The following SNAP91 variants were observed in gnomAD, a reference collection of about 807,000 sequenced individuals.
SNAP91 encodes the protein synaptosome associated protein 91.
In SNAP91, 27 loss-of-function variants were observed where a neutral mutation model predicts 100.3. The observed-to-expected ratio is 0.27, with a 90% CI of 0.20 to 0.37. The LOEUF is 0.37. Ranked by LOEUF, SNAP91 falls within the 10% of genes least tolerant of loss-of-function variation. The probability of loss-of-function intolerance (pLI) is 1.00; values close to 1 mark genes in which losing one functional copy is unlikely to be tolerated. For missense variants in SNAP91, 986 were observed against 1,123.7 expected (o/e 0.88, Z 1.75); for synonymous variants, 404 against 398.6 (o/e 1.01, Z -0.16).
chr6:83,607,686 T>G lies in SNAP91; in HGVS notation c.1022+13A>C, dbSNP rs1292965344. On this transcript the variant is annotated intron_variant, in intron 13 of 29. Transcript: ENST00000369694. ...ATATTAATAAACAGTTAACTGCATA[T>G]TTATTTACCAACCTGACTGGGACAG... 4 of 1,503,270 alleles carry G rather than the reference T, an allele frequency of 2.7e-6. No individual in the cohort carries two copies. In the East Asian group the frequency reaches 9.7e-5, roughly 37 times the overall value. 93.1% of individuals were successfully genotyped at this position (1,503,270 alleles called of 1,614,324 possible).
chr6:83,658,548 G>A (rs148333422), intron 6 of SNAP91, among the ~76,000 whole-genome samples: 7 of 152,288 alleles, frequency 4.6e-5, no homozygotes, highest in African/African-American at 7.2e-5. Context: ...GGCAGAGCTT[G>A]TGAGCGGAGA....
At chr6:83,554,784 C>G (rs1368300203) in intron 29 of SNAP91, among the ~76,000 whole-genome samples, 1 of 152,168 alleles carries the variant, frequency 6.6e-6, no homozygotes, top group Non-Finnish European at 1.5e-5. Context: ...TTTCCTCAGC[C>G]ACTTCCCACT....
chr6:83,640,635 TTCTG>T (rs1562467990), intron 8 of SNAP91, among the ~76,000 whole-genome samples: 1 of 152,162 alleles, frequency 6.6e-6, no homozygotes, highest in African/African-American at 2.4e-5. Context: ...AAATTATGCT[TTCTG>T]TCTTATTTTT....
At chr6:83,576,814 G>A (rs1425369933) in intron 24 of SNAP91, among the ~76,000 whole-genome samples, 2 of 152,016 alleles carry the variant, frequency 1.3e-5, no homozygotes, top group East Asian at 1.9e-4. Flanking sequence ...TGACATAGTC[G>A]GCTTAATCAA....
intron 28 of SNAP91, among the ~76,000 whole-genome samples, chr6:83,559,222 C>A (rs957998324): frequency 6.6e-6 from 1 of 152,158 alleles, no homozygotes; most frequent in Admixed American, 6.5e-5. Flanking sequence ...CCACATGAAA[C>A]CAGCCTGATC....
chr6:83,643,958 C>T (rs1465540986), intron 7 of SNAP91, among the ~76,000 whole-genome samples: 1 of 152,172 alleles, frequency 6.6e-6, no homozygotes, highest in Non-Finnish European at 1.5e-5. Flanking sequence ...ACTCACGGTG[C>T]TATAAGACGA....
rs114486336 is a variant in SNAP91, at chr6:83,609,176, A to G, written c.913-1368T>C. On this transcript the variant is annotated intron_variant, in intron 12 of 29. Coordinates refer to ENST00000369694, the MANE Select transcript of SNAP91 (RefSeq NM_001242792.2). The stretch of plus-strand genomic sequence containing the variant: ...CCTTGTAACAACAAGCTCTGAGGAG[A>G]TGTAAGAGCTAGGAAAACAGAACCC... Among the ~76,000 whole-genome samples the G allele has an allele frequency of 3.1e-3, 472 of 152,260 alleles. 3 individuals are homozygous for G. The highest frequency in any genetic ancestry group is 0.011 in the African/African-American group (439 of 41,574).
intron 26 of SNAP91, among the ~76,000 whole-genome samples, chr6:83,568,743 T>A (rs1233845676): frequency 6.6e-6 from 1 of 152,168 alleles, no homozygotes; most frequent in Non-Finnish European, 1.5e-5. Context: ...TTACTGCTTA[T>A]CTATCAATAA....
In SNAP91 at chr6:83,601,354, G is replaced by A. The variant is rs1269721341; in HGVS notation, c.1241C>T (p.Thr414Ile). The stretch of plus-strand genomic sequence containing the variant: ...AGCTGAGGCAGTTGCAATTTCAGCA[G>A]TTGTAGTAGGAGGGGTAGGTTCTGG... Reference protein sequence around the residue: ...FAPEPTPPTTTAEIATASASA... With the variant: ...FAPEPTPPTTIAEIATASASA... The change falls in exon 16 of 30, where the codon ACT becomes ATT. Residue 414 changes from threonine to isoleucine, a missense_variant. This residue lies in a region of SNAP91 where 575 missense variants were observed against 579.9 expected (regional missense o/e 0.99). Coordinates refer to ENST00000369694, the MANE Select transcript of SNAP91 (RefSeq NM_001242792.2). The A allele has an allele frequency of 1.9e-6, 3 of 1,613,562 alleles. No homozygotes were observed. The highest frequency in any genetic ancestry group is 1.3e-5 in the African/African-American group (1 of 74,916).
chr6:83,558,922 A>G (rs1782921593), intron 28 of SNAP91, among the ~76,000 whole-genome samples: 1 of 152,208 alleles, frequency 6.6e-6, no homozygotes, highest in Non-Finnish European at 1.5e-5. Flanking sequence ...ATTCATCACT[A>G]AGACTAGCAC....
chr6:83,594,336 C>G, intron 17 of SNAP91, 38 bp downstream of exon 17: 1 of 1,479,812 alleles, frequency 6.8e-7, no homozygotes, highest in Admixed American at 2.0e-5. Context: ...TACATTAGGA[C>G]AGAAGAATAA....
At position 83,576,025 on chromosome 6, in the gene SNAP91, T is replaced by A; in HGVS notation, c.2328A>T (p.Lys776Asn). The A allele has an allele frequency of 1.4e-6, 2 of 1,416,422 alleles. No homozygotes were observed. The highest frequency in any genetic ancestry group is 1.9e-6 in the Non-Finnish European group (2 of 1,040,168). The allele number at this position is 1,416,422 out of a possible 1,614,324, so 87.7% of individuals were successfully genotyped here. Residue 776 changes from lysine to asparagine, a missense_variant and splice_region_variant, in exon 25 of 30, where the codon AAA becomes AAT. This residue lies in a region of SNAP91 where 575 missense variants were observed against 579.9 expected (regional missense o/e 0.99). Transcript: ENST00000369694. ...TCACATAATTTCCAAACACTTACTT[T>A]TTTGTTGTGGTACCAGAAATTCCAA... ...GNLGISGTTT[K>N]KGDLQWNAGE...
chr6:83,611,321 T>C (rs994046945), intron 11 of SNAP91: 5 of 327,944 alleles, frequency 1.5e-5, no homozygotes, highest in South Asian at 4.5e-5. Context: ...TGCTTTTTTC[T>C]AAGAAAATGA....
intron 5 of SNAP91, 53 bp from the exon 6 acceptor site, chr6:83,659,145 A>C: frequency 7.5e-7 from 1 of 1,330,706 alleles, no homozygotes; most frequent in Middle Eastern, 1.8e-4. Context: ...GGACAATTCA[A>C]GACCATATGA....
chr6:83,684,865 A>G (rs2099039869), intron 2 of SNAP91, among the ~76,000 whole-genome samples: 1 of 152,200 alleles, frequency 6.6e-6, no homozygotes, highest in Non-Finnish European at 1.5e-5. Context: ...CCACTTTTTC[A>G]AAAGAACAGA....
chr6:83,706,895 C>T (rs989611484), intron 2 of SNAP91, among the ~76,000 whole-genome samples: 1 of 152,212 alleles, frequency 6.6e-6, no homozygotes, highest in African/African-American at 2.4e-5. Flanking sequence ...ACCTCACCAC[C>T]CAAAGCAGGT....
intron 2 of SNAP91, among the ~76,000 whole-genome samples, chr6:83,704,017 T>C (rs1282421482): frequency 1.3e-5 from 2 of 152,222 alleles, no homozygotes; most frequent in Non-Finnish European, 2.9e-5. Context: ...TCTATTTTAT[T>C]GTTCAAGCTT....
chr6:83,655,846 A>G (rs763422095), intron 7 of SNAP91, among the ~76,000 whole-genome samples: 3 of 152,174 alleles, frequency 2.0e-5, no homozygotes, highest in Non-Finnish European at 4.4e-5. Flanking sequence ...CCCTCAAATT[A>G]TACCCATGGA....
At chr6:83,601,761 T>C (rs955095093) in intron 14 of SNAP91, among the ~76,000 whole-genome samples, 162 bp from the exon 15 acceptor site, 4 of 152,202 alleles carry the variant, frequency 2.6e-5, no homozygotes, top group African/African-American at 9.7e-5. Flanking sequence ...TACTACCTAT[T>C]ATCATGGAAC....
Sources: allele counts gnomAD v4.1 joint callset (sites outside exome capture counted in the v4.1 genomes callset), GRCh38; gene constraint gnomAD v4.1.1; regional missense constraint gnomAD v4.1.1; transcripts MANE v1.5; gene names NCBI Gene and HGNC (gene_info 2026-07-23, HGNC 2026-07-21).